PALLD: variants seen among roughly 807,000 people sequenced by gnomAD.
PALLD encodes palladin, cytoskeletal associated protein.
PALLD carries 61 observed loss-of-function variants against 123.5 expected under a neutral mutation model. The observed-to-expected ratio is 0.49, with a 90% CI of 0.40 to 0.61. The LOEUF is 0.61. Among genes scored for constraint, PALLD ranks in the 20% least tolerant of loss-of-function variants. The pLI is 0.00. For synonymous variants in PALLD, 465 were observed against 496.4 expected, an observed-to-expected ratio of 0.94 and a Z score of 0.84; for missense variants, 1,273 against 1,377.0, an observed-to-expected ratio of 0.92 and a Z score of 1.20.
chr4:168,667,678 A>G (rs1779788583), intron 2 of PALLD, among the ~76,000 whole-genome samples: 1 of 152,228 alleles, frequency 6.6e-6, no homozygotes, highest in Non-Finnish European at 1.5e-5. Flanking sequence ...AAATATCAGA[A>G]ATGTGGAAGG....
At chr4:168,812,554 C>T (rs1352674440) in intron 10 of PALLD, among the ~76,000 whole-genome samples, 2 of 152,136 alleles carry the variant, frequency 1.3e-5, no homozygotes, top group South Asian at 2.1e-4. Context: ...AGATGTCAGG[C>T]GAGAATGCGT....
intron 2 of PALLD, among the ~76,000 whole-genome samples, chr4:168,663,826 C>A (rs1457883335): frequency 1.3e-5 from 2 of 152,132 alleles, no homozygotes; most frequent in Non-Finnish European, 2.9e-5. Context: ...ATTTCCCCAA[C>A]TAGAAATCAA....
chr4:168,737,674 C>G (rs1259305365), intron 10 of PALLD, among the ~76,000 whole-genome samples: 1 of 152,136 alleles, frequency 6.6e-6, no homozygotes, highest in Non-Finnish European at 1.5e-5. Context: ...TTGTCAATCT[C>G]CCAATATATG....
At chr4:168,524,969 C>T (rs774540404) in intron 2 of PALLD, among the ~76,000 whole-genome samples, 9 of 152,248 alleles carry the variant, frequency 5.9e-5, no homozygotes, top group Non-Finnish European at 5.9e-5. Context: ...CTGGGTTTCT[C>T]TTTCTTTTAT....
At chr4:168,845,675 C>T (rs568607224) in intron 10 of PALLD, among the ~76,000 whole-genome samples, 1 of 152,238 alleles carries the variant, frequency 6.6e-6, no homozygotes, top group Non-Finnish European at 1.5e-5. Flanking sequence ...TACCGAGGGA[C>T]AACTGTACTC....
At chr4:168,832,960 T>C (rs1744516034) in intron 10 of PALLD, 1 of 152,010 alleles carries the variant, frequency 6.6e-6, no homozygotes, top group Non-Finnish European at 1.5e-5. Context: ...CGGCCACGCG[T>C]GGGTTCCCGG....
intron 2 of PALLD, among the ~76,000 whole-genome samples, chr4:168,591,159 G>A (rs548830173): frequency 8.0e-4 from 122 of 152,258 alleles, no homozygotes; most frequent in Non-Finnish European, 4.6e-4. Context: ...GATTACAGGC[G>A]TGAGCCACCA....
rs771679229 is a variant in PALLD, at chr4:168,924,974, G to A, written c.3254G>A (p.Cys1085Tyr). The A allele has an allele frequency of 6.2e-6, 10 of 1,613,980 alleles. No homozygotes were observed. Among genetic ancestry groups the A allele is most frequent in the Admixed American group, 3.3e-5 (2 of 59,994 alleles). ...SMHQDNHGYI[C>Y]LLIQGATKED... ...CACCAGGACAACCACGGCTACATCT[G>A]CCTGCTCATTCAGGGAGCCACAAAA... The change falls in exon 20 of 22, where the codon TGC becomes TAC. Residue 1085 changes from cysteine to tyrosine, a missense_variant. This residue lies in a region of PALLD where 329 missense variants were observed against 422.5 expected (regional missense o/e 0.78). Transcript: ENST00000505667.
At chr4:168,758,432 C>T (rs114200265) in intron 10 of PALLD, among the ~76,000 whole-genome samples, 168 of 152,272 alleles carry the variant, frequency 1.1e-3, no homozygotes, top group African/African-American at 3.6e-3. Context: ...TGGCCCTCCA[C>T]GTCAGGCAGC....
At chr4:168,524,406 T>C (rs1210632459) in intron 2 of PALLD, among the ~76,000 whole-genome samples, 2 of 152,194 alleles carry the variant, frequency 1.3e-5, no homozygotes, top group East Asian at 3.8e-4. Flanking sequence ...CAGTTACTGG[T>C]AGGGATGGAA....
intron 2 of PALLD, among the ~76,000 whole-genome samples, chr4:168,569,866 T>A (rs141284972): frequency 4.6e-5 from 7 of 152,278 alleles, no homozygotes; most frequent in African/African-American, 1.7e-4. Flanking sequence ...GAAGTGGGAC[T>A]GATGGCTTTT....
At chr4:168,608,414 G>A (rs1773401810) in intron 2 of PALLD, among the ~76,000 whole-genome samples, 1 of 152,166 alleles carries the variant, frequency 6.6e-6, no homozygotes, top group Admixed American at 6.5e-5. Flanking sequence ...GTCTTCATGA[G>A]ACTGAGACTT....
At chr4:168,727,884 T>TA (rs1561453799) in intron 10 of PALLD, among the ~76,000 whole-genome samples, 1 of 152,202 alleles carries the variant, frequency 6.6e-6, no homozygotes, top group East Asian at 1.9e-4. Context: ...CTAATTTTTG[T>TA]ATATGGTGAA....
At chr4:168,760,083 G>A (rs1732616264) in intron 10 of PALLD, among the ~76,000 whole-genome samples, 2 of 151,832 alleles carry the variant, frequency 1.3e-5, no homozygotes, top group Admixed American at 6.6e-5. Flanking sequence ...TGTCACAACT[G>A]CAAGGCATGA....
At chr4:168,670,765 CAAAAAAAAACAA>C (rs1780162946) in intron 3 of PALLD, among the ~76,000 whole-genome samples, 1 of 109,508 alleles carries the variant, frequency 9.1e-6, no homozygotes, top group Non-Finnish European at 1.8e-5. Context: ...ACAAAAAAAA[CAAAAAAAAACAA>C]AAAAAAAAAA....
At chr4:168,558,421 C>T (rs1024693957) in intron 2 of PALLD, among the ~76,000 whole-genome samples, 14 of 152,122 alleles carry the variant, frequency 9.2e-5, no homozygotes, top group Non-Finnish European at 1.8e-4. Flanking sequence ...CATTTCAAAG[C>T]GGTAGAGGTG....
At chr4:168,880,914 T>C (rs1752520695) in intron 10 of PALLD, among the ~76,000 whole-genome samples, 1 of 152,240 alleles carries the variant, frequency 6.6e-6, no homozygotes, top group African/African-American at 2.4e-5. Flanking sequence ...TTTTCTTTTC[T>C]TTTCTTTTTT....
intron 12 of PALLD, 154 bp downstream of exon 12, chr4:168,894,831 AT>A: frequency 8.0e-7 from 1 of 1,251,662 alleles, no homozygotes; most frequent in Non-Finnish European, 1.1e-6. Flanking sequence ...CTCACAGCTA[AT>A]TTTTATTGAG....
chr4:168,501,400 T>C lies in PALLD; in HGVS notation c.-83+4206T>C, dbSNP rs1483497650. On this transcript the variant is annotated intron_variant, in intron 1 of 21. Transcript: ENST00000505667. The stretch of plus-strand genomic sequence containing the variant: ...TCGCACTACTACAGCAGGGGCAAAA[T>C]TGAAAAGAAAGGAAAAGAGAAGAAG... Among the ~76,000 whole-genome samples the C allele has an allele frequency of 2.7e-5, 4 of 150,830 alleles. No homozygotes were observed. In the South Asian group the frequency reaches 8.4e-4, roughly 32 times the overall value.
Sources: gnomAD v4.1 joint callset for allele counts (sites outside exome capture counted in the v4.1 genomes callset) on GRCh38, gnomAD v4.1.1 for gene constraint, gnomAD v4.1.1 regional missense constraint, MANE v1.5 for transcripts, NCBI Gene and HGNC (gene_info 2026-07-23, HGNC 2026-07-21) for gene names.